Variants in SLC8A1 observed in about 807,000 individuals in gnomAD.
The protein encoded by SLC8A1 is sodium/calcium exchanger 1.
In SLC8A1, 18 loss-of-function variants were observed where a neutral mutation model predicts 68.3. The observed-to-expected ratio is 0.26, with a 90% CI of 0.18 to 0.39. The LOEUF (loss-of-function observed/expected upper bound fraction) is 0.39, where lower values mean the gene tolerates loss of function less well. SLC8A1 is among the 10% of genes least tolerant of loss of function. SLC8A1 has a pLI of 1.00. For synonymous variants in SLC8A1, 475 were observed against 415.5 expected (o/e 1.14, Z -1.74); for missense variants, 985 against 1,156.7 (o/e 0.85, Z 2.15).
At chr2:40,339,572 T>C (rs1315485076) in intron 2 of SLC8A1, among the ~76,000 whole-genome samples, 3 of 152,230 alleles carry the variant, frequency 2.0e-5, no homozygotes, top group Middle Eastern at 3.2e-3. Context: ...TAAATAAGTA[T>C]ATACATGTAT....
At chr2:40,476,895 TCTTTC>T (rs1437430343) in intron 1 of SLC8A1, among the ~76,000 whole-genome samples, 2 of 152,346 alleles carry the variant, frequency 1.3e-5, no homozygotes, top group East Asian at 3.9e-4. Flanking sequence ...TGAGTCTTGT[TCTTTC>T]CTTTATTTAT....
chr2:40,420,384 ACTG>A (rs1695155653), intron 2 of SLC8A1, among the ~76,000 whole-genome samples: 1 of 151,954 alleles, frequency 6.6e-6, no homozygotes, highest in Admixed American at 6.6e-5. Context: ...AGACCAAGAA[ACTG>A]CTATTTCAAG....
intron 2 of SLC8A1, among the ~76,000 whole-genome samples, chr2:40,197,870 T>C (rs2053379004): frequency 6.6e-6 from 1 of 152,114 alleles, no homozygotes. Flanking sequence ...CAAGACAGGA[T>C]CTATTGACAA....
exon 8 of SLC8A1, chr2:40,099,538 C>CT (rs2033773028): frequency 2.0e-5 from 3 of 151,938 alleles, no homozygotes; most frequent in African/African-American, 7.3e-5. Context: ...GCATTTTTGC[C>CT]TCCCTTCTAC....
chr2:40,365,567 C>T (rs1675899831), intron 2 of SLC8A1, among the ~76,000 whole-genome samples: 1 of 152,040 alleles, frequency 6.6e-6, no homozygotes, highest in Non-Finnish European at 1.5e-5. Context: ...CTCTGAATCC[C>T]ATTTGGAAGC....
intron 2 of SLC8A1, among the ~76,000 whole-genome samples, chr2:40,344,244 G>C (rs1575565233): frequency 6.6e-6 from 1 of 152,150 alleles, no homozygotes; most frequent in African/African-American, 2.4e-5. Flanking sequence ...CCTTTCTCCT[G>C]AGACAATGCA....
chr2:40,232,440 A>G (rs1418908050), intron 2 of SLC8A1, among the ~76,000 whole-genome samples: 1 of 148,488 alleles, frequency 6.7e-6, no homozygotes, highest in African/African-American at 2.5e-5. Flanking sequence ...AGCAAGGTTT[A>G]TATAGAGTGG....
intron 1 of SLC8A1, among the ~76,000 whole-genome samples, chr2:40,495,550 A>G (rs2149929785): frequency 6.6e-6 from 1 of 152,192 alleles, no homozygotes; most frequent in Admixed American, 6.5e-5. Context: ...GGAGCAAGTC[A>G]CAGATGTATC....
At chr2:40,226,433 G>A (rs571408296) in intron 2 of SLC8A1, among the ~76,000 whole-genome samples, 1 of 152,126 alleles carries the variant, frequency 6.6e-6, no homozygotes, top group African/African-American at 2.4e-5. Flanking sequence ...TAGACTGCAT[G>A]CAGGAATCAT....
intron 2 of SLC8A1, among the ~76,000 whole-genome samples, chr2:40,342,757 A>C (rs1332707677): frequency 2.0e-5 from 3 of 152,194 alleles, no homozygotes; most frequent in Non-Finnish European, 4.4e-5. Flanking sequence ...AGTGCCATTT[A>C]CTTACACTTT....
At chr2:40,262,712 G>C (rs1029909660) in intron 2 of SLC8A1, among the ~76,000 whole-genome samples, 1 of 152,198 alleles carries the variant, frequency 6.6e-6, no homozygotes, top group Admixed American at 6.5e-5. Context: ...TGTTCATGGA[G>C]ATTTTGCTCG....
intron 2 of SLC8A1, among the ~76,000 whole-genome samples, chr2:40,224,076 G>T (rs2058675696): frequency 6.6e-6 from 1 of 152,090 alleles, no homozygotes. Context: ...AAAAGGCCTG[G>T]AATGTTCGCT....
intron 2 of SLC8A1, among the ~76,000 whole-genome samples, chr2:40,277,794 G>GTATATATATATATATA (rs56145701): frequency 1.9e-3 from 207 of 107,934 alleles, no homozygotes; most frequent in East Asian, 5.0e-3. Flanking sequence ...ATATATGTGT[G>GTATATATATATATATA]TATATATATA....
At chr2:40,193,992 G>C (rs889006535) in intron 2 of SLC8A1, among the ~76,000 whole-genome samples, 3 of 152,098 alleles carry the variant, frequency 2.0e-5, no homozygotes, top group Non-Finnish European at 2.9e-5. Flanking sequence ...GAGAAAACAA[G>C]TTGAAATTGC....
At chr2:40,470,157 G>A (rs763670943) in intron 1 of SLC8A1, among the ~76,000 whole-genome samples, 19 of 152,030 alleles carry the variant, frequency 1.2e-4, no homozygotes, top group Non-Finnish European at 2.1e-4. Flanking sequence ...ACATTTTAAT[G>A]TATCTTTTTC....
chr2:40,303,757 T>C (rs1017654302), intron 2 of SLC8A1, among the ~76,000 whole-genome samples: 2 of 152,104 alleles, frequency 1.3e-5, no homozygotes, highest in African/African-American at 2.4e-5. Context: ...CTCCTTTCAA[T>C]ACGAGGGGGA....
At chr2:40,466,393 G>A (rs147735309) in intron 1 of SLC8A1, among the ~76,000 whole-genome samples, 1 of 152,128 alleles carries the variant, frequency 6.6e-6, no homozygotes, top group Admixed American at 6.6e-5. Flanking sequence ...CTTCACAGGG[G>A]CTACACTCAA....
chr2:40,115,276 A>AG lies in SLC8A1; in HGVS notation c.2790dup (p.Tyr931LeufsTer29). 1 of 1,612,130 alleles carries AG rather than the reference A, an allele frequency of 6.2e-7. No individual in the cohort carries two copies. Among genetic ancestry groups the AG allele is most frequent in the Non-Finnish European group, 8.5e-7 (1 of 1,178,994 alleles). On this transcript the variant is annotated frameshift_variant, in exon 8 of 8. Transcript: ENST00000406785. LOFTEE classifies it high-confidence loss of function. ...CTTTAGAAGCCTTTTATGTGGCAGT[A>AG]GGCCTCCAGGGAGGAGAAGAAAATG...
At chr2:40,483,840 T>C (rs1160682101) in intron 1 of SLC8A1, among the ~76,000 whole-genome samples, 4 of 152,162 alleles carry the variant, frequency 2.6e-5, no homozygotes, top group Admixed American at 6.6e-5. Context: ...AATGACAAAA[T>C]ATCAAGATAA....
Sources: allele counts gnomAD v4.1 joint callset (sites outside exome capture counted in the v4.1 genomes callset), GRCh38; gene constraint gnomAD v4.1.1; transcripts MANE v1.5; gene names NCBI Gene and HGNC (gene_info 2026-07-23, HGNC 2026-07-21).